Variants in ABCC4 observed in about 807,000 individuals in gnomAD.
ABCC4 encodes the protein ATP binding cassette subfamily C member 4 (PEL blood group), also known as ATP-binding cassette sub-family C member 4.
Under a neutral mutation model 168.5 loss-of-function variants are expected in ABCC4, and 102 were observed. That is an observed-to-expected ratio of 0.61 (90% confidence interval 0.52 to 0.71). The LOEUF (loss-of-function observed/expected upper bound fraction) is 0.71, where lower values mean the gene tolerates loss of function less well. Among genes scored for constraint, ABCC4 ranks in the 30% least tolerant of loss-of-function variants. The probability of loss-of-function intolerance (pLI) is 0.00; values close to 1 mark genes in which losing one functional copy is unlikely to be tolerated. For missense variants in ABCC4, 1,402 were observed against 1,605.8 expected, an observed-to-expected ratio of 0.87 and a Z score of 2.17; for synonymous variants, 617 against 590.7, an observed-to-expected ratio of 1.04 and a Z score of -0.65.
Position 95,071,718 on chromosome 13 carries a change from G to A in ABCC4, c.3154C>T (p.Pro1052Ser). The A allele has an allele frequency of 6.3e-7, 1 of 1,585,408 alleles. No individual in the cohort carries two copies. The highest frequency in any genetic ancestry group is 8.6e-7 in the Non-Finnish European group (1 of 1,167,566). The stretch of plus-strand genomic sequence containing the variant: ...TGCTTCAGTACCAGAGGCCCACCTG[G>A]ACTGTACATGAAGTTCACATTGTCA... The part of the protein sequence containing the change: ...IFDNVNFMYS[P>S]GGPLVLKHLT... Residue 1052 changes from proline (P) to serine (S), a missense_variant, in exon 25 of 31, where the codon CCA becomes TCA. By Grantham distance (74) the Pro-to-Ser change is moderately conservative (BLOSUM62 -1). Coordinates refer to ENST00000645237, the MANE Select transcript of ABCC4 (RefSeq NM_005845.5).
In ABCC4 at chr13:95,084,658, A is replaced by C. The variant is rs1678349; in HGVS notation, c.2536-1368T>G. ...ACAGGGTTTTTTTTTTAGCTTTAACACTTGGATATGCATTAAATTTTCCAC... is the reference window on the plus strand; with the variant it reads ...ACAGGGTTTTTTTTTTAGCTTTAACCCTTGGATATGCATTAAATTTTCCAC... On this transcript the variant is annotated intron_variant, in intron 20 of 30. Coordinates refer to ENST00000645237, the MANE Select transcript of ABCC4 (RefSeq NM_005845.5). 2.5e-3 allele frequency among the ~76,000 whole-genome samples: 384 copies of C among 152,230 alleles called. 2 individuals are homozygous for C. Among genetic ancestry groups the C allele is most frequent in the African/African-American group, 9.0e-3 (372 of 41,540 alleles).
chr13:95,159,941 G>A (rs113010161), intron 19 of ABCC4, among the ~76,000 whole-genome samples: 9 of 152,268 alleles, frequency 5.9e-5, no homozygotes, highest in African/African-American at 1.4e-4. Flanking sequence ...ACTAACATTC[G>A]TTAGGCACTG....
At chr13:95,024,633 T>G (rs1274666680) in intron 30 of ABCC4, among the ~76,000 whole-genome samples, 1 of 152,220 alleles carries the variant, frequency 6.6e-6, no homozygotes, top group Non-Finnish European at 1.5e-5. Flanking sequence ...CAGTTCATTT[T>G]TACTGATGTG....
chr13:95,080,576 A>T (rs7988310), intron 21 of ABCC4, among the ~76,000 whole-genome samples: 3 of 151,874 alleles, frequency 2.0e-5, no homozygotes, highest in African/African-American at 4.8e-5. Context: ...TGGGTTCAAG[A>T]GATTCTCATG....
chr13:95,129,948 G>A (rs570573282), intron 19 of ABCC4, among the ~76,000 whole-genome samples: 7 of 151,922 alleles, frequency 4.6e-5, no homozygotes, highest in East Asian at 1.9e-4. Flanking sequence ...AGTGGCACAC[G>A]CCAATAATCC....
chr13:95,066,783 G>A (rs2033563086), intron 25 of ABCC4, among the ~76,000 whole-genome samples: 1 of 152,214 alleles, frequency 6.6e-6, no homozygotes, highest in Admixed American at 6.5e-5. Context: ...CAATCACTTG[G>A]ATAGCCTGGC....
At chr13:95,218,613 A>G (rs2039189542) in intron 4 of ABCC4, among the ~76,000 whole-genome samples, 1 of 152,118 alleles carries the variant, frequency 6.6e-6, no homozygotes, top group African/African-American at 2.4e-5. Flanking sequence ...GCACTTTAGA[A>G]GACCAAGGCG....
At chr13:95,117,728 A>C (rs1009718380) in intron 19 of ABCC4, among the ~76,000 whole-genome samples, 5 of 151,988 alleles carry the variant, frequency 3.3e-5, no homozygotes, top group African/African-American at 1.2e-4. Context: ...AATATTCAGA[A>C]ACATTGCAAG....
chr13:95,208,254 A>G (rs1233466107), intron 6 of ABCC4, among the ~76,000 whole-genome samples: 5 of 151,750 alleles, frequency 3.3e-5, no homozygotes, highest in Non-Finnish European at 7.4e-5. Context: ...CACAGTGGTC[A>G]GAGAGTGCTA....
chr13:95,236,581 C>A (rs1392597947), intron 3 of ABCC4, among the ~76,000 whole-genome samples: 8 of 121,550 alleles, frequency 6.6e-5, no homozygotes. Flanking sequence ...CCTGTCTCGG[C>A]ATGTGAACGC....
chr13:95,129,835 G>A (rs531753342), intron 19 of ABCC4, among the ~76,000 whole-genome samples: 2 of 152,182 alleles, frequency 1.3e-5, no homozygotes, highest in African/African-American at 2.4e-5. Flanking sequence ...AGCACTTTGC[G>A]AGGCCAAGGC....
At chr13:95,234,549 T>A (rs1185952361) in intron 4 of ABCC4, 61 bp downstream of exon 4, 2 of 1,418,452 alleles carry the variant, frequency 1.4e-6, no homozygotes, top group African/African-American at 2.8e-5. Context: ...TACATAAAAC[T>A]TCCTCAGAAT....
intron 11 of ABCC4, among the ~76,000 whole-genome samples, chr13:95,178,979 C>G (rs941343492): frequency 1.3e-5 from 2 of 152,102 alleles, no homozygotes; most frequent in African/African-American, 4.8e-5. Flanking sequence ...AAGGGAAGAA[C>G]AGGGTTACCA....
intron 20 of ABCC4, among the ~76,000 whole-genome samples, chr13:95,087,263 C>T (rs1430661237): frequency 2.6e-5 from 4 of 152,154 alleles, no homozygotes; most frequent in African/African-American, 4.8e-5. Context: ...CGGTGGCTCA[C>T]GCCTATAATC....
intron 14 of ABCC4, 100 bp from the exon 15 acceptor site, chr13:95,166,467 G>A: frequency 9.8e-7 from 1 of 1,023,762 alleles, no homozygotes; most frequent in South Asian, 1.7e-5. Context: ...CTTAAGTTAT[G>A]ATTATACTTA....
rs143080903 is a variant in ABCC4 at position 95,043,416 on chromosome 13, C to T, written c.3735+266G>A. 291 of 393,620 alleles carry T rather than the reference C, an allele frequency of 7.4e-4. 2 individuals are homozygous for T. The East Asian group carries it at 0.011, about 15-fold the overall frequency. 24.4% of individuals were successfully genotyped at this position (393,620 alleles called of 1,614,324 possible). On this transcript the variant is annotated intron_variant, in intron 29 of 30. Transcript: ENST00000645237. ...CTCCGTAGTATGACAGTTAGCATCA[C>T]AAGCTGAATCTTAGATTTGGAATAT...
intron 4 of ABCC4, among the ~76,000 whole-genome samples, chr13:95,218,987 GTGAGAAAGAA>G (rs1566540005): frequency 3.0e-5 from 1 of 32,840 alleles, no homozygotes; most frequent in African/African-American, 9.1e-5. Context: ...GAAAGAAAGA[GTGAGAAAGAA>G]AGAAAGAGTG....
intron 19 of ABCC4, among the ~76,000 whole-genome samples, chr13:95,132,400 G>C (rs1001590423): frequency 1.1e-4 from 17 of 152,118 alleles, no homozygotes; most frequent in Admixed American, 3.3e-4. Context: ...ATTTTTAGTA[G>C]AGACAGGGTT....
At chr13:95,030,109 C>T (rs545905274) in intron 30 of ABCC4, among the ~76,000 whole-genome samples, 1 of 152,232 alleles carries the variant, frequency 6.6e-6, no homozygotes, top group South Asian at 2.1e-4. Context: ...CAACCTCCAT[C>T]TCCTGGGTTC....
Sources: allele counts gnomAD v4.1 joint callset (sites outside exome capture counted in the v4.1 genomes callset), GRCh38; gene constraint gnomAD v4.1.1; transcripts MANE v1.5; gene names NCBI Gene and HGNC (gene_info 2026-07-23, HGNC 2026-07-21).